Variants in CCDC34 observed in about 807,000 individuals in gnomAD.
CCDC34 encodes coiled-coil domain-containing protein 34.
In CCDC34, 40 loss-of-function variants were observed where a neutral mutation model predicts 44.1. That is an observed-to-expected ratio of 0.91 (90% CI 0.70 to 1.18). The LOEUF (loss-of-function observed/expected upper bound fraction) is 1.18, where lower values mean the gene tolerates loss of function less well. CCDC34 is among the 50% of genes most tolerant of loss of function. The pLI is 0.00. For synonymous variants in CCDC34, 159 were observed against 158.2 expected (o/e 1.01, Z -0.04); for missense variants, 466 against 452.3 (o/e 1.03, Z -0.28).
intron 2 of CCDC34, among the ~76,000 whole-genome samples, chr11:27,351,845 G>A (rs76979683): frequency 0.012 from 1,841 of 152,242 alleles, 49 homozygotes; most frequent in African/African-American, 0.042. Flanking sequence ...AGATGGCTTC[G>A]AAAGGAGAGA....
intron 2 of CCDC34, among the ~76,000 whole-genome samples, chr11:27,350,909 A>G (rs943976876): frequency 4.3e-4 from 66 of 152,316 alleles, no homozygotes; most frequent in African/African-American, 1.5e-3. Context: ...AAACCATTCA[A>G]TTTTCCTTAG....
intron 5 of CCDC34, 102 bp downstream of exon 5, chr11:27,340,594 G>T: frequency 8.3e-7 from 1 of 1,210,216 alleles, no homozygotes; most frequent in Non-Finnish European, 1.1e-6. Context: ...ATAGTAATTT[G>T]AAAGAAAAAT....
At chr11:27,352,382 C>CAA (rs796750735) in intron 2 of CCDC34, among the ~76,000 whole-genome samples, 2 of 111,368 alleles carry the variant, frequency 1.8e-5, no homozygotes, top group African/African-American at 6.5e-5. Context: ...GACTCCATCT[C>CAA]AAAAAAAAAA....
At chr11:27,352,956 C>T (rs1443577426) in intron 2 of CCDC34, among the ~76,000 whole-genome samples, 4 of 152,176 alleles carry the variant, frequency 2.6e-5, no homozygotes, top group East Asian at 1.9e-4. Context: ...CTGAATGACT[C>T]CATGTTTACC....
In CCDC34 at chr11:27,350,237, A is replaced by T. The variant is rs780888054; in HGVS notation, c.606+95T>A. 1.9e-6 allele frequency: 3 copies of T among 1,602,076 alleles called. No individual in the cohort carries two copies. The Admixed American group carries it at 5.2e-5, about 28-fold the overall frequency. ...CAAGCCAAAGAAGAAAGACTCTAAG[A>T]GAAGTATTTTTTAAAACCTAGGTAA... On this transcript the variant is annotated intron_variant, in intron 3 of 5. Transcript: ENST00000328697.
At position 27,357,525 on chromosome 11, in the gene CCDC34, C is replaced by G. The variant is rs1168404627; in HGVS notation, c.376G>C (p.Glu126Gln). 6.2e-7 allele frequency: 1 copy of G among 1,613,916 alleles called. No individual in the cohort carries two copies. Among genetic ancestry groups the G allele is most frequent in the African/African-American group, 1.3e-5 (1 of 75,026 alleles). Residue 126 changes from glutamate to glutamine, a missense_variant, in exon 2 of 6, where the codon GAA (glutamate) becomes CAA (glutamine). By Grantham distance (29) the Glu-to-Gln change is conservative. Transcript: ENST00000328697. Reference protein sequence around the residue: ...QGCASTQVESENNQEEQKQVR... With the variant: ...QGCASTQVESQNNQEEQKQVR... ...TGTTTCTGTTCTTCTTGGTTATTTTCTGATTCAACCTGAGTGCTACAAAAG... is the reference window on the plus strand; with the variant it reads ...TGTTTCTGTTCTTCTTGGTTATTTTGTGATTCAACCTGAGTGCTACAAAAG...
chr11:27,341,644 T>C (rs764134819), intron 3 of CCDC34, 94 bp from the exon 4 acceptor site: 14 of 565,328 alleles, frequency 2.5e-5, no homozygotes, highest in Middle Eastern at 4.8e-4. Flanking sequence ...TAAACTTCAA[T>C]TATTTTTAAA....
At position 27,338,705 on chromosome 11, in the gene CCDC34, A is replaced by G. The variant is rs1862313469; in HGVS notation, c.*116T>C. On this transcript the variant is annotated 3_prime_UTR_variant, in exon 6 of 6. Coordinates refer to ENST00000328697, the MANE Select transcript of CCDC34 (RefSeq NM_030771.2). ...AAGGACTCCATATACAAATGCAAAA[A>G]TTGCTATTTGTCAATAATCACATTA... 7.0e-6 allele frequency: 6 copies of G among 860,114 alleles called. No homozygotes were observed. In the Admixed American group the frequency reaches 1.7e-4, roughly 24 times the overall value. 53.3% of individuals were successfully genotyped at this position (860,114 alleles called of 1,614,324 possible).
intron 3 of CCDC34, among the ~76,000 whole-genome samples, chr11:27,347,051 C>A (rs1010660933): frequency 1.3e-5 from 2 of 152,114 alleles, no homozygotes; most frequent in Admixed American, 1.3e-4. Context: ...TTAAACCACC[C>A]AATTTGTGGT....
chr11:27,346,154 AAAAAAAAAAT>A (rs1862430243), intron 3 of CCDC34, among the ~76,000 whole-genome samples: 1 of 150,090 alleles, frequency 6.7e-6, no homozygotes, highest in South Asian at 2.1e-4. Context: ...CTTGTTAGTG[AAAAAAAAAAT>A]ACCATTAAGA....
At chr11:27,345,654 A>G (rs1335915340) in intron 3 of CCDC34, among the ~76,000 whole-genome samples, 1 of 152,026 alleles carries the variant, frequency 6.6e-6, no homozygotes, top group Admixed American at 6.5e-5. Context: ...CATGGTGTAT[A>G]TGTGCCACAT....
chr11:27,361,664 G>A (rs539009530), intron 1 of CCDC34, among the ~76,000 whole-genome samples: 3 of 152,094 alleles, frequency 2.0e-5, no homozygotes, highest in African/African-American at 7.2e-5. Flanking sequence ...CTTCTCATTC[G>A]TAACTAATTC....
chr11:27,346,474 AGAAGGAAG>A (rs35249457), intron 3 of CCDC34, among the ~76,000 whole-genome samples: 7,083 of 128,060 alleles, frequency 0.055, 652 homozygotes, highest in African/African-American at 0.19. Flanking sequence ...GACAGAGGAA[AGAAGGAAG>A]GAAGGAAGGA....
intron 3 of CCDC34, chr11:27,349,999 G>T (rs912770088): frequency 1.7e-6 from 2 of 1,171,244 alleles, no homozygotes; most frequent in Non-Finnish European, 1.1e-6. Flanking sequence ...ATGGATTTAC[G>T]AAGGAGAAAT....
chr11:27,350,333 T>C lies in CCDC34; in HGVS notation c.605A>G (p.Gln202Arg). 6.2e-7 allele frequency: 1 copy of C among 1,613,982 alleles called. No individual in the cohort carries two copies. The highest frequency in any genetic ancestry group is 8.5e-7 in the Non-Finnish European group (1 of 1,179,924). Residue 202 changes from glutamine to arginine, a missense_variant and splice_region_variant, in exon 3 of 6, where the codon CAA (glutamine) becomes CGA (arginine). Gln to Arg is a conservative substitution (Grantham distance 43). Coordinates refer to ENST00000328697, the MANE Select transcript of CCDC34 (RefSeq NM_030771.2). ...GTGTATCCATTTTCCCCTCCTTACT[T>C]GCTCATTCTTTTTCTGAACCCATTC... ...HKEWVQKKNE[Q>R]KRKEREQKIN...
At chr11:27,341,343 T>C (rs553293015) in intron 4 of CCDC34, 49 bp downstream of exon 4, 6 of 1,155,002 alleles carry the variant, frequency 5.2e-6, no homozygotes, top group South Asian at 1.8e-5. Flanking sequence ...AGTTGACACA[T>C]ATGAACACCA....
intron 3 of CCDC34, among the ~76,000 whole-genome samples, chr11:27,348,030 G>A (rs879186570): frequency 6.6e-6 from 1 of 152,070 alleles, no homozygotes; most frequent in African/African-American, 2.4e-5. Context: ...AGAGGAACCA[G>A]CCACTAAGTG....
chr11:27,349,877 C>T, intron 3 of CCDC34: 1 of 994,282 alleles, frequency 1.0e-6, no homozygotes, highest in Non-Finnish European at 1.2e-6. Flanking sequence ...AGATCACAAA[C>T]AGGGGAGTAG....
At chr11:27,341,280 T>C (rs1473854484) in intron 4 of CCDC34, 112 bp downstream of exon 4, 2 of 627,888 alleles carry the variant, frequency 3.2e-6, no homozygotes, top group East Asian at 5.7e-5. Context: ...TTCTTGTGTT[T>C]ATTTTATGCT....
Sources: allele counts gnomAD v4.1 joint callset (sites outside exome capture counted in the v4.1 genomes callset), GRCh38; gene constraint gnomAD v4.1.1; transcripts MANE v1.5; gene names NCBI Gene and HGNC (gene_info 2026-07-23, HGNC 2026-07-21).